The following VAPA variants were observed in gnomAD, a reference collection of about 807,000 sequenced individuals.
VAPA encodes vesicle-associated membrane protein-associated protein A.
Under a neutral mutation model 25.6 loss-of-function variants are expected in VAPA, and 6 were observed. That is an observed-to-expected ratio of 0.23 (90% CI 0.13 to 0.46). The LOEUF is 0.46. VAPA is among the 20% of genes least tolerant of loss of function. The pLI is 0.99. For missense variants in VAPA, 244 were observed against 302.1 expected, an observed-to-expected ratio of 0.81 and a Z score of 1.43; for synonymous variants, 112 against 106.2, an observed-to-expected ratio of 1.05 and a Z score of -0.34.
At chr18:9,928,591 A>G (rs8089454) in intron 1 of VAPA, among the ~76,000 whole-genome samples, 4 of 152,182 alleles carry the variant, frequency 2.6e-5, no homozygotes, top group African/African-American at 9.6e-5. Flanking sequence ...CTCTAACTTC[A>G]TAACTCATTT....
chr18:9,924,936 C>T (rs1157405625), intron 1 of VAPA: 1 of 151,486 alleles, frequency 6.6e-6, no homozygotes, highest in Non-Finnish European at 1.5e-5. Flanking sequence ...AAATGAGCAT[C>T]TCCCTTGCCC....
At chr18:9,919,619 T>C (rs2069140190) in intron 1 of VAPA, among the ~76,000 whole-genome samples, 1 of 152,126 alleles carries the variant, frequency 6.6e-6, no homozygotes, top group South Asian at 2.1e-4. Flanking sequence ...GAAAGGAAAA[T>C]GCATGTTCAA....
intron 2 of VAPA, among the ~76,000 whole-genome samples, chr18:9,933,443 A>AAG (rs1207270647): frequency 1.3e-5 from 2 of 152,224 alleles, no homozygotes; most frequent in Admixed American, 6.5e-5. Flanking sequence ...GTTCCTGGGA[A>AAG]AGAGAGATGG....
chr18:9,923,442 T>A (rs1188979270), intron 1 of VAPA, among the ~76,000 whole-genome samples: 2 of 151,932 alleles, frequency 1.3e-5, no homozygotes, highest in Non-Finnish European at 2.9e-5. Flanking sequence ...AAACGTATGT[T>A]TATAGTATAA....
chr18:9,957,143 T>C lies in VAPA; in HGVS notation c.*2932T>C, dbSNP rs2069560121. 6.6e-6 allele frequency: 1 copy of C among 152,136 alleles called. No homozygotes were observed. The highest frequency in any genetic ancestry group is 1.5e-5 in the Non-Finnish European group (1 of 68,050). The allele number at this position is 152,136 out of a possible 1,614,324, so 9.4% of individuals were successfully genotyped here. A position where few individuals can be genotyped will look rare whatever the true frequency, so the allele number is the denominator to read the frequency against. ...GCCTCCTGGGTTCAAGTGATTCTCA[T>C]GGCTCAGCCGCCTGAGTAGCTGGGA... On this transcript the variant is annotated 3_prime_UTR_variant, in exon 6 of 6. Coordinates refer to ENST00000400000, the MANE Select transcript of VAPA (RefSeq NM_194434.3).
chr18:9,935,988 C>G (rs2069305971), intron 2 of VAPA, 122 bp from the exon 3 acceptor site: 8 of 555,654 alleles, frequency 1.4e-5, no homozygotes, highest in Admixed American at 3.8e-5. Context: ...AGGAATGATA[C>G]TATTGCCAGA....
intron 4 of VAPA, among the ~76,000 whole-genome samples, chr18:9,943,805 T>C (rs912110240): frequency 6.6e-6 from 1 of 151,332 alleles, no homozygotes; most frequent in East Asian, 1.9e-4. Context: ...ATTTCATTTA[T>C]GTCCTCCATC....
intron 4 of VAPA, chr18:9,950,161 A>G: frequency 2.4e-6 from 1 of 421,992 alleles, no homozygotes; most frequent in Non-Finnish European, 4.2e-6. Context: ...AAAGAACTTG[A>G]ACAATAATTA....
rs938545485 is a variant in VAPA, at chr18:9,954,173, A to G, written c.712A>G (p.Ile238Val). The G allele has an allele frequency of 1.9e-6, 3 of 1,612,560 alleles. No homozygotes were observed. Among genetic ancestry groups the G allele is most frequent in the South Asian group, 1.1e-5 (1 of 91,010 alleles). ...LPSLLVVIAAIFIGFFLGKFI... is the reference protein window; with the variant it reads ...LPSLLVVIAAVFIGFFLGKFI... The stretch of plus-strand genomic sequence containing the variant: ...TTCACTTCTTGTTGTAATTGCAGCC[A>G]TTTTCATTGGATTCTTTCTAGGGAA... Residue 238 changes from isoleucine (I) to valine (V), a missense_variant, in exon 6 of 6, where the codon ATT becomes GTT. By Grantham distance (29) the Ile-to-Val change is conservative. Transcript: ENST00000400000.
In VAPA at chr18:9,954,477, A is replaced by G. The variant is rs892860220; in HGVS notation, c.*266A>G. 1.2e-5 allele frequency: 4 copies of G among 333,356 alleles called. No homozygotes were observed. Among genetic ancestry groups the G allele is most frequent in the Non-Finnish European group, 2.1e-5 (4 of 187,012 alleles). The allele number at this position is 333,356 out of a possible 1,614,324, so 20.6% of individuals were successfully genotyped here. The stretch of plus-strand genomic sequence containing the variant: ...TGAGTCCTTTATGAAATTCATAAAT[A>G]AAGAATTGTTCTTTCTTTGTGGTTT... On this transcript the variant is annotated 3_prime_UTR_variant, in exon 6 of 6. Coordinates refer to ENST00000400000, the MANE Select transcript of VAPA (RefSeq NM_194434.3).
At chr18:9,952,816 T>C (rs944722318) in intron 5 of VAPA, among the ~76,000 whole-genome samples, 2 of 152,150 alleles carry the variant, frequency 1.3e-5, no homozygotes, top group African/African-American at 2.4e-5. Flanking sequence ...GTATTAAAAG[T>C]TCTGTAGATG....
chr18:9,916,621 G>A (rs1218997456), intron 1 of VAPA, among the ~76,000 whole-genome samples: 1 of 152,180 alleles, frequency 6.6e-6, no homozygotes, highest in Non-Finnish European at 1.5e-5. Flanking sequence ...TATCGTTTTA[G>A]TCAAAGGTAA....
At chr18:9,926,623 G>A (rs1330528789) in intron 1 of VAPA, among the ~76,000 whole-genome samples, 1 of 152,058 alleles carries the variant, frequency 6.6e-6, no homozygotes, top group Non-Finnish European at 1.5e-5. Context: ...GAGGTGTTCG[G>A]GTAGATGCTA....
At position 9,958,450 on chromosome 18, in the gene VAPA, T is replaced by A. The variant is rs2069572859; in HGVS notation, c.*4239T>A. 1 of 152,222 alleles carries A rather than the reference T, an allele frequency of 6.6e-6. No homozygotes were observed. The highest frequency in any genetic ancestry group is 1.5e-5 in the Non-Finnish European group (1 of 68,042). The allele number at this position is 152,222 out of a possible 1,614,324, so 9.4% of individuals were successfully genotyped here. On this transcript the variant is annotated 3_prime_UTR_variant, in exon 6 of 6. Coordinates refer to ENST00000400000, the MANE Select transcript of VAPA (RefSeq NM_194434.3). ...TGAAAGAGAGTATATAGGAAGTTAT[T>A]CAGATAACTTTTGTAGTAGTGATAT... is the stretch of plus-strand genomic sequence containing the variant.
At chr18:9,917,512 C>G (rs915859002) in intron 1 of VAPA, among the ~76,000 whole-genome samples, 2 of 152,136 alleles carry the variant, frequency 1.3e-5, no homozygotes, top group African/African-American at 4.8e-5. Flanking sequence ...AACTTCTGAC[C>G]TCAGGTGATC....
In VAPA at chr18:9,927,042, C is replaced by G. The variant is rs553825245; in HGVS notation, c.80-4768C>G. 3.9e-5 allele frequency among the ~76,000 whole-genome samples: 6 copies of G among 152,136 alleles called. No homozygotes were observed. In the East Asian group the frequency reaches 9.7e-4, roughly 25 times the overall value. On this transcript the variant is annotated intron_variant, in intron 1 of 5. Coordinates refer to ENST00000400000, the MANE Select transcript of VAPA (RefSeq NM_194434.3). The stretch of plus-strand genomic sequence containing the variant: ...GAAGTGTTTTCTGTTTTCTGAAATG[C>G]TCTGTGTGATATACTACTGCTTATC...
intron 4 of VAPA, among the ~76,000 whole-genome samples, chr18:9,944,371 A>G (rs1224288458): frequency 6.6e-6 from 1 of 152,118 alleles, no homozygotes; most frequent in East Asian, 1.9e-4. Context: ...ACAGTATTTT[A>G]TCTATTAAAG....
At chr18:9,943,873 T>A (rs2069392592) in intron 4 of VAPA, among the ~76,000 whole-genome samples, 1 of 99,486 alleles carries the variant, frequency 1.0e-5, no homozygotes, top group East Asian at 3.2e-4. Flanking sequence ...TTTTTTTTTT[T>A]TTTTTGAGAC....
intron 4 of VAPA, among the ~76,000 whole-genome samples, chr18:9,938,157 A>C (rs942330818): frequency 1.3e-5 from 2 of 152,208 alleles, no homozygotes; most frequent in African/African-American, 4.8e-5. Flanking sequence ...TGTTGAAACC[A>C]AGAAAACAAA....
Sources: gnomAD v4.1 joint callset for allele counts (sites outside exome capture counted in the v4.1 genomes callset) on GRCh38, gnomAD v4.1.1 for gene constraint, MANE v1.5 for transcripts, NCBI Gene and HGNC (gene_info 2026-07-23, HGNC 2026-07-21) for gene names.